PIEZO2: variants seen among roughly 807,000 people sequenced by gnomAD.
PIEZO2 encodes piezo-type mechanosensitive ion channel component 2.
PIEZO2 carries 172 observed loss-of-function variants against 337.3 expected under a neutral mutation model. That is an observed-to-expected ratio of 0.51 (90% confidence interval 0.45 to 0.58). PIEZO2 has a LOEUF of 0.58. Among genes scored for constraint, PIEZO2 ranks in the 20% least tolerant of loss-of-function variants. The pLI, the probability that PIEZO2 is intolerant of heterozygous loss-of-function variation, is 0.00. For synonymous variants in PIEZO2, 1,251 were observed against 1,228.5 expected (o/e 1.02, Z -0.38); for missense variants, 3,028 against 3,391.3 (o/e 0.89, Z 2.66).
intron 4 of PIEZO2, among the ~76,000 whole-genome samples, chr18:10,889,938 G>A (rs982169628): frequency 5.3e-5 from 8 of 152,202 alleles, no homozygotes; most frequent in Non-Finnish European, 1.0e-4. Context: ...CAGGTTGACT[G>A]GTTAGTCACC....
chr18:11,145,377 CATTAT>C (rs1451718064), intron 1 of PIEZO2, among the ~76,000 whole-genome samples: 1 of 152,086 alleles, frequency 6.6e-6, no homozygotes, highest in East Asian at 1.9e-4. Flanking sequence ...AATCTGTAAC[CATTAT>C]ATTAAACACA....
In PIEZO2 at chr18:11,078,036, CCACACACACCCACACA is replaced by C. The variant is rs1238331785; in HGVS notation, c.65-11830_65-11815del. ...AAAACACATGTGCGTGCACACACACCCACACACACCCACACACACACACACACACACCACACACACA... is the reference window on the plus strand; with the variant it reads ...AAAACACATGTGCGTGCACACACACCCACACACACACACACCACACACACA... On this transcript the variant is annotated intron_variant, in intron 1 of 55. Coordinates refer to ENST00000674853, the MANE Select transcript of PIEZO2 (RefSeq NM_001378183.1). This position sits in a 1 kb window ranked among gnomAD's most constrained non-coding sequence, Gnocchi z 5.3. Among the ~76,000 whole-genome samples the C allele has an allele frequency of 8.6e-6, 1 of 115,988 alleles. No homozygotes were observed. Among genetic ancestry groups the C allele is most frequent in the African/African-American group, 4.2e-5 (1 of 24,050 alleles). 76.1% of individuals were successfully genotyped at this position (115,988 alleles called of 152,430 possible).
rs1032464499 is a variant in PIEZO2 at position 10,724,350 on chromosome 18, C to A, written c.5030-6091G>T. On this transcript the variant is annotated intron_variant, in intron 36 of 55. Transcript: ENST00000674853. The surrounding 1 kb of genome is among the most constrained non-coding windows in gnomAD (Gnocchi z 5.8). ...CTCCACCTTGGGTGACAGAGCAAGA[C>A]CCTGTCTCAAAAAACAAAAACGAAA... 1.3e-5 allele frequency among the ~76,000 whole-genome samples: 2 copies of A among 152,130 alleles called. No homozygotes were observed. Among genetic ancestry groups the A allele is most frequent in the Non-Finnish European group, 2.9e-5 (2 of 68,016 alleles).
At chr18:11,030,577 C>T (rs757806628) in intron 2 of PIEZO2, among the ~76,000 whole-genome samples, 2 of 152,142 alleles carry the variant, frequency 1.3e-5, no homozygotes, top group South Asian at 4.1e-4. Context: ...TCAAGTTTTA[C>T]TCTGTCCTCA....
At chr18:10,801,531 A>G (rs2039814781) in intron 9 of PIEZO2, 103 bp from the exon 10 acceptor site, 2 of 1,019,240 alleles carry the variant, frequency 2.0e-6, no homozygotes, top group African/African-American at 3.2e-5. Context: ...ATTCTCTTTA[A>G]CTTGCTGATT....
intron 7 of PIEZO2, among the ~76,000 whole-genome samples, chr18:10,818,889 G>T (rs1010122306): frequency 6.6e-6 from 1 of 152,104 alleles, no homozygotes; most frequent in African/African-American, 2.4e-5. Context: ...ATATATAACC[G>T]AATTATTGGC....
intron 39 of PIEZO2, among the ~76,000 whole-genome samples, chr18:10,708,676 A>G (rs1238764919): frequency 1.3e-5 from 2 of 152,214 alleles, no homozygotes; most frequent in African/African-American, 4.8e-5. Context: ...ACATTACAAA[A>G]TGGCACTCTC....
At position 10,895,973 on chromosome 18, in the gene PIEZO2, T is replaced by A. The variant is rs906615883; in HGVS notation, c.329+15213A>T. 1.3e-5 allele frequency among the ~76,000 whole-genome samples: 2 copies of A among 149,602 alleles called. No individual in the cohort carries two copies. Among genetic ancestry groups the A allele is most frequent in the African/African-American group, 5.0e-5 (2 of 40,396 alleles). On this transcript the variant is annotated intron_variant, in intron 4 of 55. Transcript: ENST00000674853. The surrounding 1 kb of genome is among the most constrained non-coding windows in gnomAD (Gnocchi z 4.8). ...TACTTGGGAGGCTGAGGCAAGAGAATCTCTTGAACCCGGGAGGCGAAGGTT... is the reference window on the plus strand; with the variant it reads ...TACTTGGGAGGCTGAGGCAAGAGAAACTCTTGAACCCGGGAGGCGAAGGTT...
intron 53 of PIEZO2, among the ~76,000 whole-genome samples, chr18:10,675,959 A>G (rs2143432396): frequency 6.6e-6 from 1 of 152,250 alleles, no homozygotes; most frequent in East Asian, 1.9e-4. Flanking sequence ...AGGCCTCCCC[A>G]GCCATGTGGA....
intron 4 of PIEZO2, among the ~76,000 whole-genome samples, chr18:10,898,416 G>A (rs148154473): frequency 0.07 from 10,587 of 151,088 alleles, 378 homozygotes; most frequent in African/African-American, 0.078. Flanking sequence ...GCGAGACTCC[G>A]TCTCAAAAAA....
intron 7 of PIEZO2, among the ~76,000 whole-genome samples, chr18:10,826,419 C>T (rs2040679325): frequency 1.3e-5 from 2 of 152,220 alleles, no homozygotes; most frequent in Admixed American, 1.3e-4. Context: ...CAGGAAGACA[C>T]CTGCTGCCTC....
chr18:10,758,978 C>T (rs2078543614), intron 26 of PIEZO2, among the ~76,000 whole-genome samples: 1 of 152,194 alleles, frequency 6.6e-6, no homozygotes, highest in Admixed American at 6.5e-5. Context: ...AAACCCAGCA[C>T]TCTGGTCTTG....
chr18:10,759,563 C>T lies in PIEZO2; in HGVS notation c.3676G>A (p.Gly1226Ser). 3 of 1,537,336 alleles carry T rather than the reference C, an allele frequency of 2.0e-6. No homozygotes were observed. The highest frequency in any genetic ancestry group is 1.7e-6 in the Non-Finnish European group (2 of 1,146,938). Residue 1226 changes from glycine to serine, a missense_variant, in exon 26 of 56, where the codon GGT becomes AGT. Physicochemically the swap from Gly to Ser is moderately conservative, Grantham distance 56. This residue lies in a region of PIEZO2 where 1,925 missense variants were observed against 2,051.9 expected (regional missense o/e 0.94). Transcript: ENST00000674853. This position sits in a 1 kb window ranked among gnomAD's most constrained non-coding sequence, Gnocchi z 5.5. ...PCRDYPWRFK[G>S]ASFNDNIIKW... Reference sequence around the variant, plus strand: ...ATGATGTTGTCATTGAAGCTGGCACCCTTGAATCTCCACGGGTAATCTGCA... The same window carrying T: ...ATGATGTTGTCATTGAAGCTGGCACTCTTGAATCTCCACGGGTAATCTGCA...
At chr18:10,896,546 C>T (rs2042906857) in intron 4 of PIEZO2, among the ~76,000 whole-genome samples, 1 of 152,156 alleles carries the variant, frequency 6.6e-6, no homozygotes, top group Non-Finnish European at 1.5e-5. Flanking sequence ...CTCATGATGG[C>T]CGAGTGAAAA....
chr18:10,951,535 T>G (rs1405260298), intron 3 of PIEZO2, among the ~76,000 whole-genome samples: 1 of 152,238 alleles, frequency 6.6e-6, no homozygotes, highest in Non-Finnish European at 1.5e-5. Context: ...CGTCATCTGC[T>G]GTGTTGCCAC....
Position 10,797,478 on chromosome 18 carries a change from C to T in PIEZO2, c.1423G>A (p.Glu475Lys). 6 of 1,537,150 alleles carry T rather than the reference C, an allele frequency of 3.9e-6. No individual in the cohort carries two copies. The highest frequency in any genetic ancestry group is 3.6e-5 in the South Asian group (3 of 84,058). ...CTTCTTTTTTCCTCACGGCTCCTTT[C>T]TTCTTCAAATTCTTCTTTCTCTTCC... is the stretch of plus-strand genomic sequence containing the variant. ...EEEEKEEFEE[E>K]RSREEKRSIK... is the part of the protein sequence containing the mutation. Residue 475 changes from glutamate to lysine, a missense_variant, in exon 12 of 56, where the codon GAA becomes AAA. Transcript: ENST00000674853.
intron 7 of PIEZO2, among the ~76,000 whole-genome samples, chr18:10,845,856 T>G (rs1356242957): frequency 6.6e-6 from 1 of 152,240 alleles, no homozygotes; most frequent in Non-Finnish European, 1.5e-5. Context: ...AATAAATACA[T>G]TTAAAGCCCA....
Position 11,128,585 on chromosome 18 carries a change from A to T in PIEZO2, c.64+19940T>A, listed in dbSNP as rs371273126. On this transcript the variant is annotated intron_variant, in intron 1 of 55. Transcript: ENST00000674853. The surrounding 1 kb of genome is among the most constrained non-coding windows in gnomAD (Gnocchi z 4.1). ...TCCCTTCCCAAACCACGCTGCCATC[A>T]GCCTTTCCACCTTTGTCTGAGGACA... is the stretch of plus-strand genomic sequence containing the variant. Among the ~76,000 whole-genome samples the T allele has an allele frequency of 2.0e-4, 30 of 152,306 alleles. No homozygotes were observed. The East Asian group carries it at 2.7e-3, about 14-fold the overall frequency.
chr18:10,739,599 T>C (rs2037138639), intron 33 of PIEZO2: 1 of 152,068 alleles, frequency 6.6e-6, no homozygotes, highest in Non-Finnish European at 1.5e-5. Context: ...AAAAGCACAG[T>C]TTACTTGTGA....
Sources: gnomAD v4.1 joint callset for allele counts (sites outside exome capture counted in the v4.1 genomes callset) on GRCh38, gnomAD v4.1.1 for gene constraint, gnomAD v4.1.1 regional missense constraint, Gnocchi (gnomAD v3.1) non-coding constraint, MANE v1.5 for transcripts, NCBI Gene and HGNC (gene_info 2026-07-23, HGNC 2026-07-21) for gene names.